The following DMXL2 variants were observed in gnomAD, a reference collection of about 807,000 sequenced individuals.
The protein encoded by DMXL2 is dmX-like protein 2.
A neutral mutation model predicts 331.1 loss-of-function variants in DMXL2; 103 were observed. That is an observed-to-expected ratio of 0.31 (90% CI 0.27 to 0.37). The LOEUF is 0.37. Among genes scored for constraint, DMXL2 ranks in the 10% least tolerant of loss-of-function variants. DMXL2 has a pLI of 1.00. For synonymous variants in DMXL2, 1,281 were observed against 1,252.1 expected (o/e 1.02, Z -0.49); for missense variants, 3,171 against 3,642.9 (o/e 0.87, Z 3.33).
At chr15:51,554,080 T>G (rs1026396883) in intron 6 of DMXL2, among the ~76,000 whole-genome samples, 1 of 152,216 alleles carries the variant, frequency 6.6e-6, no homozygotes, top group Non-Finnish European at 1.5e-5. Flanking sequence ...TAGGAAAACA[T>G]GCTCCAAATG....
At chr15:51,529,388 C>A (rs1436104576) in intron 13 of DMXL2, among the ~76,000 whole-genome samples, 2 of 151,500 alleles carry the variant, frequency 1.3e-5, no homozygotes, top group Admixed American at 6.6e-5. Flanking sequence ...AAGAAAAGAC[C>A]CAAATAAATA....
At chr15:51,497,948 T>G (rs2043299163) in intron 18 of DMXL2, among the ~76,000 whole-genome samples, 1 of 152,114 alleles carries the variant, frequency 6.6e-6, no homozygotes, top group African/African-American at 2.4e-5. Flanking sequence ...AACAAGAGAC[T>G]TGGCCAGTCC....
chr15:51,499,153 A>C lies in DMXL2; in HGVS notation c.4071T>G (p.Asp1357Glu), dbSNP rs2140486195. ...CTTTAGCCCTTCGCACTTTCCCTAA[A>C]TCCATCAATTCTAACAGCTGAGTTG... ...YHPTQLLELM[D>E]LGKVRRAKAI... Residue 1357 changes from aspartate (D) to glutamate (E), a missense_variant, in exon 18 of 44, where the codon GAT becomes GAG. This residue lies in a region of DMXL2 where 1,674 missense variants were observed against 1,780.2 expected (regional missense o/e 0.94). Coordinates refer to ENST00000560891, the MANE Select transcript of DMXL2 (RefSeq NM_001378457.1). 1 of 1,614,050 alleles carries C rather than the reference A, an allele frequency of 6.2e-7. No individual in the cohort carries two copies. Among genetic ancestry groups the C allele is most frequent in the South Asian group, 1.1e-5 (1 of 91,076 alleles).
chr15:51,535,676 T>C lies in DMXL2; in HGVS notation c.2423A>G (p.Asp808Gly). Residue 808 changes from aspartate to glycine, a missense_variant, in exon 13 of 44, where the codon GAC becomes GGC. Physicochemically the swap from Asp to Gly is moderately conservative, Grantham distance 94. Transcript: ENST00000560891. The part of the protein sequence containing the change: ...DARKLLDELS[D>G]PESSKLIGEV... ...TTAAATACTTACTGAAGATTCTGGG[T>C]CTGACAATTCATCTAATAATTTCCT... 1 of 1,600,408 alleles carries C rather than the reference T, an allele frequency of 6.2e-7. No individual in the cohort carries two copies. The highest frequency in any genetic ancestry group is 1.7e-5 in the Admixed American group (1 of 57,184).
chr15:51,534,564 A>T (rs2048181943), intron 13 of DMXL2, among the ~76,000 whole-genome samples: 1 of 152,230 alleles, frequency 6.6e-6, no homozygotes, highest in Non-Finnish European at 1.5e-5. Flanking sequence ...GGAATGAAGC[A>T]GAGGGGAATA....
intron 1 of DMXL2, among the ~76,000 whole-genome samples, chr15:51,600,774 T>C (rs889547609): frequency 6.6e-6 from 1 of 152,096 alleles, no homozygotes; most frequent in African/African-American, 2.4e-5. Flanking sequence ...AAGTTTCCTG[T>C]GAGAAGAACA....
intron 13 of DMXL2, among the ~76,000 whole-genome samples, chr15:51,525,944 G>C (rs911810891): frequency 6.6e-6 from 1 of 151,994 alleles, no homozygotes. Flanking sequence ...CCAGGGCTTT[G>C]AGAGAACATA....
chr15:51,563,876 T>C (rs1162518269), intron 5 of DMXL2, among the ~76,000 whole-genome samples: 1 of 152,100 alleles, frequency 6.6e-6, no homozygotes. Context: ...GTATTTCCTA[T>C]GTATCAACCC....
chr15:51,541,158 A>C (rs1346155787), intron 9 of DMXL2, among the ~76,000 whole-genome samples: 1 of 152,184 alleles, frequency 6.6e-6, no homozygotes, highest in Non-Finnish European at 1.5e-5. Flanking sequence ...AAGATATTAG[A>C]TAAGAAAGGA....
At chr15:51,492,552 C>G (rs1454997184) in intron 19 of DMXL2, among the ~76,000 whole-genome samples, 1 of 152,072 alleles carries the variant, frequency 6.6e-6, no homozygotes, top group Non-Finnish European at 1.5e-5. Context: ...GAAGAGGCAA[C>G]AAAATCTTTA....
At chr15:51,538,099 C>T in intron 10 of DMXL2, 114 bp downstream of exon 10, 4 of 1,342,562 alleles carry the variant, frequency 3.0e-6, no homozygotes, top group Non-Finnish European at 3.0e-6. Context: ...ACTTGTGTAA[C>T]AAATAGAAAA....
chr15:51,484,085 A>G (rs1002939397), intron 23 of DMXL2, among the ~76,000 whole-genome samples: 1 of 151,144 alleles, frequency 6.6e-6, no homozygotes, highest in Non-Finnish European at 1.5e-5. Context: ...CAACACCTGC[A>G]GAAACACCCC....
chr15:51,502,723 A>G, intron 17 of DMXL2, 83 bp downstream of exon 17: 1 of 860,876 alleles, frequency 1.2e-6, no homozygotes, highest in Admixed American at 2.1e-5. Flanking sequence ...ATATTTCAGA[A>G]GAGTTCATCT....
intron 13 of DMXL2, among the ~76,000 whole-genome samples, chr15:51,535,073 CATAGTAGATGCTCAAAA>C (rs1257791251): frequency 4.6e-5 from 7 of 152,124 alleles, no homozygotes; most frequent in African/African-American, 1.7e-4. Context: ...TCTAGGAGAA[CATAGTAGATGCTCAAAA>C]ATAGTCATTG....
rs770419231 is a variant in DMXL2 at position 51,564,246 on chromosome 15, T to C, written c.379A>G (p.Thr127Ala). The C allele has an allele frequency of 4.4e-6, 7 of 1,584,158 alleles. No homozygotes were observed. The South Asian group carries it at 8.3e-5, about 19-fold the overall frequency. The change falls in exon 5 of 44, where the codon ACA becomes GCA. Residue 127 changes from threonine (T) to alanine (A), a missense_variant. By Grantham distance (58) the Thr-to-Ala change is moderately conservative. Coordinates refer to ENST00000560891, the MANE Select transcript of DMXL2 (RefSeq NM_001378457.1). Reference sequence around the variant, plus strand: ...CACAACTGAATAGAATCAGTTGCTGTCAACAATCTATTATCTGAAAATTAA... The same window carrying C: ...CACAACTGAATAGAATCAGTTGCTGCCAACAATCTATTATCTGAAAATTAA... The part of the protein sequence containing the change: ...AWDPQDNRLL[T>A]ATDSIQLWAP...
intron 16 of DMXL2, among the ~76,000 whole-genome samples, chr15:51,506,169 C>A (rs1371194934): frequency 6.6e-6 from 1 of 151,782 alleles, no homozygotes. Context: ...GACTCCAGGG[C>A]TCAAGCAATC....
chr15:51,553,969 T>C (rs943637681), intron 6 of DMXL2, among the ~76,000 whole-genome samples: 10 of 152,158 alleles, frequency 6.6e-5, no homozygotes, highest in Non-Finnish European at 1.5e-4. Context: ...CTAACTGCCA[T>C]GTTGTTCAAG....
chr15:51,520,744 C>T (rs1389208973), intron 13 of DMXL2, among the ~76,000 whole-genome samples: 1 of 152,168 alleles, frequency 6.6e-6, no homozygotes, highest in Non-Finnish European at 1.5e-5. Flanking sequence ...GTAATCCCAG[C>T]TATTCAGGAA....
chr15:51,531,623 C>G (rs780028194), intron 13 of DMXL2, among the ~76,000 whole-genome samples: 1 of 152,140 alleles, frequency 6.6e-6, no homozygotes, highest in Non-Finnish European at 1.5e-5. Context: ...AACTACTCAT[C>G]TGAAACGGGA....
Sources: allele counts gnomAD v4.1 joint callset (sites outside exome capture counted in the v4.1 genomes callset), GRCh38; gene constraint gnomAD v4.1.1; regional missense constraint gnomAD v4.1.1; transcripts MANE v1.5; gene names NCBI Gene and HGNC (gene_info 2026-07-23, HGNC 2026-07-21).